CAMK2D: variants seen among roughly 807,000 people sequenced by gnomAD.
CAMK2D encodes calcium/calmodulin dependent protein kinase II delta, also known as calcium/calmodulin-dependent protein kinase type II subunit delta.
Under a neutral mutation model 84.0 loss-of-function variants are expected in CAMK2D, and 37 were observed. The observed-to-expected ratio is 0.44, with a 90% CI of 0.34 to 0.58. The LOEUF (loss-of-function observed/expected upper bound fraction) is 0.58. CAMK2D is among the 20% of genes least tolerant of loss of function. The probability of loss-of-function intolerance (pLI) is 0.02; values close to 1 mark genes in which losing one functional copy is unlikely to be tolerated. For synonymous variants in CAMK2D, 202 were observed against 212.5 expected, an observed-to-expected ratio of 0.95 and a Z score of 0.43; for missense variants, 448 against 652.5, an observed-to-expected ratio of 0.69 and a Z score of 3.41.
At chr4:113,545,186 C>T (rs1476500701) in intron 6 of CAMK2D, among the ~76,000 whole-genome samples, 2 of 152,202 alleles carry the variant, frequency 1.3e-5, no homozygotes, top group East Asian at 3.9e-4. Flanking sequence ...CAGGTATTGG[C>T]CAGGTATAAG....
intron 6 of CAMK2D, among the ~76,000 whole-genome samples, chr4:113,541,300 A>C (rs766394687): frequency 2.0e-5 from 3 of 152,216 alleles, no homozygotes; most frequent in Non-Finnish European, 4.4e-5. Context: ...ATACTAAAGA[A>C]GCTCCACCAA....
chr4:113,557,186 A>G (rs1390067841), intron 4 of CAMK2D, among the ~76,000 whole-genome samples: 1 of 152,026 alleles, frequency 6.6e-6, no homozygotes, highest in African/African-American at 2.4e-5. Context: ...ATAACTCCTA[A>G]TGGGCCCCAT....
At chr4:113,628,171 C>T (rs1561460640) in intron 3 of CAMK2D, among the ~76,000 whole-genome samples, 1 of 152,112 alleles carries the variant, frequency 6.6e-6, no homozygotes, top group Non-Finnish European at 1.5e-5. Flanking sequence ...TATAAGTTTG[C>T]ATTTTGTAGA....
At chr4:113,502,888 G>C in intron 15 of CAMK2D, 48 bp downstream of exon 15, 2 of 1,241,464 alleles carry the variant, frequency 1.6e-6, no homozygotes, top group Non-Finnish European at 2.4e-6. Context: ...TATTTGATGA[G>C]ATGTATAGTC....
At chr4:113,722,101 C>T (rs1202217887) in intron 2 of CAMK2D, among the ~76,000 whole-genome samples, 2 of 152,160 alleles carry the variant, frequency 1.3e-5, no homozygotes, top group East Asian at 1.9e-4. Context: ...GTTTAATTCA[C>T]AGGTTTCCAT....
In CAMK2D at chr4:113,513,910, G is replaced by A. The variant is rs1318349233; in HGVS notation, c.823C>T (p.Arg275Cys). Residue 275 changes from arginine (R) to cysteine (C), a missense_variant, in exon 11 of 21, where the codon CGT (arginine) becomes TGT (cysteine). By Grantham distance (180) the Arg-to-Cys change is radical (BLOSUM62 -3). Around this residue, in one of 7 missense-constraint regions of CAMK2D, gnomAD observed 69 missense variants for 175.6 expected, o/e 0.39. Transcript: ENST00000511664. ...TGCATCATGGAAGCAACAGTAGAAC[G>A]TTGCTAGAAGAAGAGGAGAAAAAGT... ...EALKHPWICQ[R>C]STVASMMHRQ... 3.3e-6 allele frequency: 5 copies of A among 1,530,318 alleles called. No individual in the cohort carries two copies. The highest frequency in any genetic ancestry group is 2.3e-5 in the South Asian group (2 of 86,334). The allele number at this position is 1,530,318 out of a possible 1,614,324, so 94.8% of individuals were successfully genotyped here.
intron 3 of CAMK2D, 90 bp from the exon 4 acceptor site, chr4:113,609,296 C>A: frequency 1.4e-6 from 1 of 732,996 alleles, no homozygotes; most frequent in South Asian, 1.5e-5. Context: ...TGTCTCCTAG[C>A]TAGAAATGTT....
intron 6 of CAMK2D, among the ~76,000 whole-genome samples, chr4:113,545,727 T>C (rs888355458): frequency 4.5e-4 from 68 of 152,098 alleles, no homozygotes; most frequent in African/African-American, 1.6e-3. Context: ...AGTCAGCAAT[T>C]TGACACAAAC....
At chr4:113,496,441 A>ATTTGCTT (rs1239546309) in intron 16 of CAMK2D, among the ~76,000 whole-genome samples, 8 of 130,132 alleles carry the variant, frequency 6.1e-5, no homozygotes, top group African/African-American at 2.3e-4. Flanking sequence ...TGGGACTCCC[A>ATTTGCTT]TTTGCTTTTT....
intron 2 of CAMK2D, among the ~76,000 whole-genome samples, chr4:113,742,361 G>C (rs2099594932): frequency 6.6e-6 from 1 of 152,108 alleles, no homozygotes. Context: ...TTTGAAGTCT[G>C]AACTCAAGAA....
chr4:113,639,740 T>A (rs893090614), intron 3 of CAMK2D, among the ~76,000 whole-genome samples: 1 of 150,780 alleles, frequency 6.6e-6, no homozygotes, highest in African/African-American at 2.4e-5. Flanking sequence ...AATAAGAAAT[T>A]ACAGTTTTGG....
intron 2 of CAMK2D, among the ~76,000 whole-genome samples, chr4:113,740,305 A>C (rs1206674668): frequency 1.3e-5 from 2 of 152,190 alleles, no homozygotes; most frequent in East Asian, 3.8e-4. Context: ...ATACCCATAT[A>C]ATGAAATATT....
intron 2 of CAMK2D, among the ~76,000 whole-genome samples, chr4:113,670,915 G>GA (rs1488929373): frequency 6.6e-6 from 1 of 151,706 alleles, no homozygotes; most frequent in African/African-American, 2.4e-5. Context: ...GCAACAGAGC[G>GA]AGACTCCGTC....
rs573643370 is a variant in CAMK2D, at chr4:113,672,835, C to T, written c.161-11063G>A. ...GCCACCTAAATGAAAAAAAATACTA[C>T]TGAGTCAAGATGTTTAAAATGAAAT... is the stretch of plus-strand genomic sequence containing the variant. On this transcript the variant is annotated intron_variant, in intron 2 of 20. Transcript: ENST00000511664. Among the ~76,000 whole-genome samples, 144 of 152,110 alleles carry T rather than the reference C, an allele frequency of 9.5e-4. 2 individuals are homozygous for T. The highest frequency in any genetic ancestry group is 3.1e-3 in the African/African-American group (128 of 41,510).
chr4:113,467,015 A>G lies in CAMK2D; in HGVS notation c.1136-1411T>C, dbSNP rs115947031. On this transcript the variant is annotated intron_variant, in intron 16 of 20. Transcript: ENST00000511664. ...GTGTCTTTTATGGAATAGATGCTCA[A>G]TGTTTGTGAATTTAATCAATTGAGA... Among the ~76,000 whole-genome samples, 675 of 152,324 alleles carry G rather than the reference A, an allele frequency of 4.4e-3. 8 individuals carry two copies. The highest frequency in any genetic ancestry group is 0.016 in the African/African-American group (645 of 41,574).
At chr4:113,759,215 G>T (rs910486381) in intron 2 of CAMK2D, 105 bp downstream of exon 2, 4 of 626,782 alleles carry the variant, frequency 6.4e-6, no homozygotes, top group Non-Finnish European at 1.1e-5. Context: ...TGATACCTAA[G>T]TCTAAAGTTC....
intron 16 of CAMK2D, among the ~76,000 whole-genome samples, chr4:113,493,654 GTGTTCTCT>G (rs1159273362): frequency 2.0e-4 from 31 of 151,828 alleles, no homozygotes; most frequent in African/African-American, 7.2e-4. Flanking sequence ...TATCTTTGTG[GTGTTCTCT>G]GTATTTCCTG....
At chr4:113,646,295 C>T (rs909825164) in intron 3 of CAMK2D, among the ~76,000 whole-genome samples, 5 of 152,146 alleles carry the variant, frequency 3.3e-5, no homozygotes, top group African/African-American at 9.7e-5. Flanking sequence ...ATTTATTGAG[C>T]GCAGACTCTA....
chr4:113,691,136 A>C (rs1184578943), intron 2 of CAMK2D, among the ~76,000 whole-genome samples: 1 of 152,196 alleles, frequency 6.6e-6, no homozygotes, highest in Admixed American at 6.5e-5. Flanking sequence ...TCACTGTCAC[A>C]AAAAAGATAC....
Sources: allele counts gnomAD v4.1 joint callset (sites outside exome capture counted in the v4.1 genomes callset), GRCh38; gene constraint gnomAD v4.1.1; regional missense constraint gnomAD v4.1.1; transcripts MANE v1.5; gene names NCBI Gene and HGNC (gene_info 2026-07-23, HGNC 2026-07-21).